Variants in KIF26B observed in about 807,000 individuals in gnomAD.
KIF26B encodes the protein kinesin-like protein KIF26B.
In KIF26B, 63 loss-of-function variants were observed where a neutral mutation model predicts 151.2. That is an observed-to-expected ratio of 0.42 (90% CI 0.34 to 0.51). The LOEUF is 0.51. Ranked by LOEUF, KIF26B falls within the 20% of genes least tolerant of loss-of-function variation. The pLI is 0.07. For missense variants in KIF26B, 2,813 were observed against 2,913.6 expected (o/e 0.97, Z 0.79); for synonymous variants, 1,357 against 1,262.1 (o/e 1.08, Z -1.59).
intron 10 of KIF26B, among the ~76,000 whole-genome samples, chr1:245,674,193 A>T (rs1210283235): frequency 6.6e-6 from 1 of 152,214 alleles, no homozygotes; most frequent in Non-Finnish European, 1.5e-5. Flanking sequence ...CCACCAGTAA[A>T]GCTGGTCACA....
At chr1:245,174,589 C>T (rs1668771774) in intron 2 of KIF26B, among the ~76,000 whole-genome samples, 1 of 152,170 alleles carries the variant, frequency 6.6e-6, no homozygotes, top group African/African-American at 2.4e-5. Flanking sequence ...TCGCTGTAAC[C>T]TCAAACTCCT....
chr1:245,174,971 A>G (rs1308850921), intron 2 of KIF26B, among the ~76,000 whole-genome samples: 1 of 152,206 alleles, frequency 6.6e-6, no homozygotes, highest in African/African-American at 2.4e-5. Context: ...TCATCAGATT[A>G]TGAAGCCTCC....
intron 2 of KIF26B, among the ~76,000 whole-genome samples, chr1:245,325,094 CAA>C (rs57433161): frequency 0.19 from 18,425 of 96,376 alleles, 1,534 homozygotes; most frequent in East Asian, 0.38. Context: ...GACCTTGTCT[CAA>C]AAAAAAAAAA....
chr1:245,473,308 C>T (rs1659953535), intron 4 of KIF26B, among the ~76,000 whole-genome samples: 1 of 152,142 alleles, frequency 6.6e-6, no homozygotes, highest in South Asian at 2.1e-4. Context: ...TCATGGTTTT[C>T]AATTTCTTAA....
At chr1:245,573,822 C>T (rs149318017) in intron 5 of KIF26B, among the ~76,000 whole-genome samples, 119 of 152,180 alleles carry the variant, frequency 7.8e-4, no homozygotes, top group Middle Eastern at 6.8e-3. Context: ...GTAACCAGGG[C>T]GGCTACTGAG....
chr1:245,215,970 G>A (rs905670735), intron 2 of KIF26B, among the ~76,000 whole-genome samples: 9 of 152,092 alleles, frequency 5.9e-5, no homozygotes, highest in Admixed American at 5.9e-4. Flanking sequence ...GTGAGCACCT[G>A]TTGTCCCAGC....
chr1:245,486,427 G>A lies in KIF26B; in HGVS notation c.1167-54340G>A, dbSNP rs570461729. On this transcript the variant is annotated intron_variant, in intron 4 of 14. Coordinates refer to ENST00000407071, the MANE Select transcript of KIF26B (RefSeq NM_018012.4). The stretch of plus-strand genomic sequence containing the variant: ...AAAAGAGAGGAGACCATCACATATA[G>A]TGCTATATAAATGGTTTCTATAGAG... Among the ~76,000 whole-genome samples, 801 of 152,224 alleles carry A rather than the reference G, an allele frequency of 5.3e-3. 3 individuals are homozygous for A. Among genetic ancestry groups the A allele is most frequent in the Non-Finnish European group, 8.4e-3 (571 of 68,012 alleles).
Position 245,516,406 on chromosome 1 carries a change from C to T in KIF26B, c.1167-24361C>T, listed in dbSNP as rs536831803. ...AGAGGATGACATGAAATCATGTACGCGAGCGTGATTTGCTACTAGGCAGCT... is the reference window on the plus strand; with the variant it reads ...AGAGGATGACATGAAATCATGTACGTGAGCGTGATTTGCTACTAGGCAGCT... On this transcript the variant is annotated intron_variant, in intron 4 of 14. Transcript: ENST00000407071. The surrounding 1 kb of genome is among the most constrained non-coding windows in gnomAD (Gnocchi z 4.2). Among the ~76,000 whole-genome samples the T allele has an allele frequency of 5.3e-5, 8 of 152,244 alleles. No individual in the cohort carries two copies. Among genetic ancestry groups the T allele is most frequent in the African/African-American group, 1.9e-4 (8 of 41,540 alleles).
chr1:245,582,137 G>C (rs930209212), intron 5 of KIF26B, among the ~76,000 whole-genome samples: 6 of 152,146 alleles, frequency 3.9e-5, no homozygotes, highest in Non-Finnish European at 8.8e-5. Flanking sequence ...ACACACCAGG[G>C]AGCCCGATGC....
At position 245,560,784 on chromosome 1, in the gene KIF26B, C is replaced by G. The variant is rs556916248; in HGVS notation, c.1350+19834C>G. ...AAGACTCCCCTCCGCTCCTCGCACTCTCATCACTGCCCCTCACTCTCTGTC... is the reference window on the plus strand; with the variant it reads ...AAGACTCCCCTCCGCTCCTCGCACTGTCATCACTGCCCCTCACTCTCTGTC... On this transcript the variant is annotated intron_variant, in intron 5 of 14. Transcript: ENST00000407071. This position sits in a 1 kb window ranked among gnomAD's most constrained non-coding sequence, Gnocchi z 4.3. 1.4e-3 allele frequency among the ~76,000 whole-genome samples: 217 copies of G among 152,330 alleles called. No individual in the cohort carries two copies. The highest frequency in any genetic ancestry group is 5.0e-3 in the African/African-American group (209 of 41,578).
At chr1:245,620,030 A>G (rs1244591107) in intron 9 of KIF26B, among the ~76,000 whole-genome samples, 1 of 152,162 alleles carries the variant, frequency 6.6e-6, no homozygotes, top group Non-Finnish European at 1.5e-5. Flanking sequence ...GTATTAGGTC[A>G]GAGAAGCCTC....
chr1:245,199,945 C>T (rs1461119133), intron 2 of KIF26B, among the ~76,000 whole-genome samples: 1 of 152,188 alleles, frequency 6.6e-6, no homozygotes, highest in Admixed American at 6.5e-5. Context: ...TGATGGTCAG[C>T]CAAACAAACC....
chr1:245,699,797 T>G (rs1349915976), intron 14 of KIF26B, among the ~76,000 whole-genome samples: 1 of 152,180 alleles, frequency 6.6e-6, no homozygotes, highest in Non-Finnish European at 1.5e-5. Flanking sequence ...CCGGCAGGCC[T>G]CCTTTGTACA....
intron 10 of KIF26B, among the ~76,000 whole-genome samples, chr1:245,653,631 C>T (rs1360559761): frequency 6.6e-6 from 1 of 152,146 alleles, no homozygotes; most frequent in African/African-American, 2.4e-5. Flanking sequence ...GGCCTCACTG[C>T]CTCCCAGTTT....
chr1:245,419,619 C>G lies in KIF26B; in HGVS notation c.1040C>G (p.Thr347Arg). The G allele has an allele frequency of 6.2e-7, 1 of 1,613,642 alleles. No individual in the cohort carries two copies. The change falls in exon 4 of 15, where the codon ACA becomes AGA. Residue 347 changes from threonine to arginine, a missense_variant. Physicochemically the swap from Thr to Arg is moderately conservative, Grantham distance 71 (BLOSUM62 -1). Transcript: ENST00000407071. ...ACAGAGAGTAGCCGGGAGGGACTAA[C>G]AGAAGCAGTGCTGAACCGCTACAAT... ...LMTESSREGL[T>R]EAVLNRYNAD... is the part of the protein sequence containing the mutation.
At chr1:245,392,798 T>C (rs1673731153) in intron 3 of KIF26B, among the ~76,000 whole-genome samples, 1 of 152,198 alleles carries the variant, frequency 6.6e-6, no homozygotes, top group Non-Finnish European at 1.5e-5. Flanking sequence ...CTTTAATTAT[T>C]TTTTAACACT....
At chr1:245,499,866 C>A (rs1282319240) in intron 4 of KIF26B, among the ~76,000 whole-genome samples, 1 of 152,126 alleles carries the variant, frequency 6.6e-6, no homozygotes, top group Non-Finnish European at 1.5e-5. Context: ...ATCATGGGTG[C>A]GAGGTACACA....
chr1:245,266,610 C>A (rs1331222538), intron 2 of KIF26B, among the ~76,000 whole-genome samples: 1 of 152,010 alleles, frequency 6.6e-6, no homozygotes, highest in African/African-American at 2.4e-5. Context: ...CGGGTTCAAG[C>A]AATTCCCTGC....
chr1:245,580,563 C>T (rs2043165413), intron 5 of KIF26B, among the ~76,000 whole-genome samples: 1 of 152,138 alleles, frequency 6.6e-6, no homozygotes, highest in African/African-American at 2.4e-5. Context: ...GAAGGTGTGG[C>T]GGAGCCTCCG....
Sources: allele counts gnomAD v4.1 joint callset (sites outside exome capture counted in the v4.1 genomes callset), GRCh38; gene constraint gnomAD v4.1.1; non-coding constraint Gnocchi (gnomAD v3.1); transcripts MANE v1.5; gene names NCBI Gene and HGNC (gene_info 2026-07-23, HGNC 2026-07-21).